The following ADD3 variants were observed in gnomAD, a reference collection of about 807,000 sequenced individuals.
ADD3 encodes adducin 3.
In ADD3, 25 loss-of-function variants were observed where a neutral mutation model predicts 80.2. That is an observed-to-expected ratio of 0.31 (90% CI 0.23 to 0.44). ADD3 has a LOEUF of 0.44. Ranked by LOEUF, ADD3 falls within the 20% of genes least tolerant of loss-of-function variation. The probability of loss-of-function intolerance (pLI) is 1.00; values close to 1 mark genes in which losing one functional copy is unlikely to be tolerated. For synonymous variants in ADD3, 284 were observed against 289.6 expected (o/e 0.98, Z 0.20); for missense variants, 829 against 847.5 (o/e 0.98, Z 0.27).
At chr10:110,065,535 T>G (rs28655519) in intron 1 of ADD3, among the ~76,000 whole-genome samples, 1 of 111,870 alleles carries the variant, frequency 8.9e-6, no homozygotes, top group Non-Finnish European at 1.9e-5. Flanking sequence ...CCTCTCTCTC[T>G]CCCCTTTTTT....
chr10:110,057,964 A>G (rs1173457609), intron 1 of ADD3, among the ~76,000 whole-genome samples: 1 of 152,272 alleles, frequency 6.6e-6, no homozygotes, highest in Non-Finnish European at 1.5e-5. Context: ...TTGCATGAAT[A>G]TCAAGTGGAA....
intron 1 of ADD3, among the ~76,000 whole-genome samples, chr10:110,038,330 C>T (rs946613135): frequency 1.3e-5 from 2 of 152,116 alleles, no homozygotes; most frequent in African/African-American, 2.4e-5. Context: ...TTGAATTCTG[C>T]CCTGCATCTT....
intron 1 of ADD3, among the ~76,000 whole-genome samples, chr10:110,074,944 C>A (rs1003639376): frequency 1.3e-5 from 2 of 152,172 alleles, no homozygotes; most frequent in Non-Finnish European, 2.9e-5. Context: ...AAGATTGGAT[C>A]TGTAAATTTA....
At chr10:110,046,825 C>A (rs1856960614) in intron 1 of ADD3, among the ~76,000 whole-genome samples, 1 of 152,100 alleles carries the variant, frequency 6.6e-6, no homozygotes. Context: ...GCACAAAATA[C>A]TGGTTTGGAA....
chr10:110,125,767 C>A (rs776709449), intron 10 of ADD3, 59 bp from the exon 11 acceptor site: 72 of 1,344,950 alleles, frequency 5.4e-5, no homozygotes, highest in Non-Finnish European at 7.1e-5. Flanking sequence ...AGTTATCTAA[C>A]AATCTACTAA....
At chr10:110,132,504 G>A (rs1590273179) in intron 14 of ADD3, 104 bp downstream of exon 14, 1 of 647,346 alleles carries the variant, frequency 1.5e-6, no homozygotes, top group East Asian at 2.8e-5. Flanking sequence ...ATCACAGTAA[G>A]TTTTCCATAT....
chr10:110,022,787 A>C (rs188436488), intron 1 of ADD3, among the ~76,000 whole-genome samples: 1 of 152,344 alleles, frequency 6.6e-6, no homozygotes, highest in African/African-American at 2.4e-5. Flanking sequence ...GAAACAATTC[A>C]GGGAGGAGAG....
chr10:110,105,432 T>C (rs1849298611), intron 2 of ADD3, among the ~76,000 whole-genome samples: 1 of 152,192 alleles, frequency 6.6e-6, no homozygotes, highest in African/African-American at 2.4e-5. Context: ...AAGAGATGGT[T>C]ACTAAATTCT....
intron 1 of ADD3, among the ~76,000 whole-genome samples, chr10:110,065,706 G>A (rs1335478777): frequency 6.7e-6 from 1 of 150,040 alleles, no homozygotes; most frequent in African/African-American, 2.4e-5. Flanking sequence ...TGCCCGGCTA[G>A]TTTTTGTATT....
At chr10:110,044,955 T>C (rs768838993) in intron 1 of ADD3, among the ~76,000 whole-genome samples, 7 of 152,386 alleles carry the variant, frequency 4.6e-5, no homozygotes, top group South Asian at 2.1e-4. Context: ...GGAATCTTAC[T>C]GTAAAGTAGT....
chr10:110,081,396 C>T (rs763798485), intron 1 of ADD3, among the ~76,000 whole-genome samples: 3 of 152,068 alleles, frequency 2.0e-5, no homozygotes, highest in Admixed American at 6.5e-5. Context: ...CTGTTCCTTG[C>T]GTTGTTGGAG....
chr10:110,130,333 A>G (rs760932073), intron 12 of ADD3, 30 bp from the exon 13 acceptor site: 2 of 1,609,410 alleles, frequency 1.2e-6, no homozygotes, highest in East Asian at 2.2e-5. Flanking sequence ...ACTCTTGGTA[A>G]TGAATCGATT....
At chr10:110,000,317 A>G (rs7069128) in intron 1 of ADD3, among the ~76,000 whole-genome samples, 39,859 of 152,154 alleles carry the variant, frequency 0.26, 7,557 homozygotes, top group African/African-American at 0.52. Flanking sequence ...AAGATGATTT[A>G]TAGCTCTGAG....
At chr10:110,041,667 G>T (rs925300393) in intron 1 of ADD3, among the ~76,000 whole-genome samples, 2 of 152,146 alleles carry the variant, frequency 1.3e-5, no homozygotes, top group African/African-American at 4.8e-5. Flanking sequence ...TGTCATACAA[G>T]AAATGCAAGA....
chr10:110,129,078 T>C (rs1852579337), intron 12 of ADD3, among the ~76,000 whole-genome samples: 1 of 152,168 alleles, frequency 6.6e-6, no homozygotes, highest in Non-Finnish European at 1.5e-5. Context: ...CCTGCCAGTT[T>C]CCAACCATCA....
intron 8 of ADD3, among the ~76,000 whole-genome samples, chr10:110,120,470 A>G (rs1851349529): frequency 6.6e-6 from 1 of 151,820 alleles, no homozygotes; most frequent in Non-Finnish European, 1.5e-5. Context: ...AATCCAGTCT[A>G]TCATTGTTGG....
At chr10:110,098,939 CT>C (rs904677360) in intron 1 of ADD3, among the ~76,000 whole-genome samples, 7 of 151,858 alleles carry the variant, frequency 4.6e-5, no homozygotes, top group African/African-American at 1.7e-4. Flanking sequence ...AATACAGAAA[CT>C]TTTTTGCCTC....
At chr10:110,132,989 CT>C (rs1853251033) in intron 14 of ADD3, among the ~76,000 whole-genome samples, 1 of 146,710 alleles carries the variant, frequency 6.8e-6, no homozygotes, top group Non-Finnish European at 1.5e-5. Flanking sequence ...AGCATGAAAT[CT>C]TTTTCAGTAT....
At chr10:110,107,237 G>A (rs1849492784) in intron 2 of ADD3, among the ~76,000 whole-genome samples, 1 of 152,110 alleles carries the variant, frequency 6.6e-6, no homozygotes, top group Admixed American at 6.5e-5. Context: ...AAAGTTCACA[G>A]TGAAGTGTAG....
Sources: allele counts gnomAD v4.1 joint callset (sites outside exome capture counted in the v4.1 genomes callset), GRCh38; gene constraint gnomAD v4.1.1; transcripts MANE v1.5; gene names NCBI Gene and HGNC (gene_info 2026-07-23, HGNC 2026-07-21).